Variants in TRERF1 observed in about 807,000 individuals in gnomAD.
The protein encoded by TRERF1 is transcriptional regulating factor 1.
TRERF1 carries 27 observed loss-of-function variants against 122.9 expected under a neutral mutation model. That is an observed-to-expected ratio of 0.22 (90% CI 0.16 to 0.30). The LOEUF is 0.30. Ranked by LOEUF, TRERF1 falls within the 10% of genes least tolerant of loss-of-function variation. The pLI, the probability that TRERF1 is intolerant of heterozygous loss-of-function variation, is 1.00. For missense variants in TRERF1, 1,248 were observed against 1,560.3 expected, an observed-to-expected ratio of 0.80 and a Z score of 3.37; for synonymous variants, 636 against 641.7, an observed-to-expected ratio of 0.99 and a Z score of 0.13.
chr6:42,273,276 G>C (rs567070266), intron 4 of TRERF1, among the ~76,000 whole-genome samples: 1 of 152,024 alleles, frequency 6.6e-6, no homozygotes, highest in African/African-American at 2.4e-5. Context: ...CAGGAATCAG[G>C]TCTATTTTTA....
At chr6:42,412,874 A>G (rs1011527561) in intron 2 of TRERF1, among the ~76,000 whole-genome samples, 22 of 152,328 alleles carry the variant, frequency 1.4e-4, no homozygotes, top group Non-Finnish European at 2.9e-4. Flanking sequence ...TGAACCCAGA[A>G]GTCTGAAGCT....
intron 2 of TRERF1, among the ~76,000 whole-genome samples, chr6:42,437,926 T>A (rs576051739): frequency 2.8e-4 from 43 of 152,152 alleles, no homozygotes; most frequent in African/African-American, 4.8e-4. Flanking sequence ...TTTATTTATT[T>A]ATTATTTATT....
intron 3 of TRERF1, among the ~76,000 whole-genome samples, chr6:42,353,333 T>C (rs529466541): frequency 8.6e-5 from 13 of 151,432 alleles, no homozygotes; most frequent in Admixed American, 7.9e-4. Flanking sequence ...ACTCCCGAAA[T>C]CCCAGCACTT....
At chr6:42,229,174 A>G (rs531954691) in intron 17 of TRERF1, among the ~76,000 whole-genome samples, 88 of 152,166 alleles carry the variant, frequency 5.8e-4, no homozygotes, top group African/African-American at 2.0e-3. Context: ...GTGTCTCTCT[A>G]TTGCCCAGGC....
At chr6:42,333,607 G>C (rs1031954837) in intron 3 of TRERF1, among the ~76,000 whole-genome samples, 2 of 152,142 alleles carry the variant, frequency 1.3e-5, no homozygotes, top group Admixed American at 6.5e-5. Flanking sequence ...TCTGGACAAG[G>C]ATGCAAGGTT....
intron 15 of TRERF1, among the ~76,000 whole-genome samples, chr6:42,238,789 AATG>A (rs1468062726): frequency 1.3e-5 from 2 of 151,886 alleles, no homozygotes; most frequent in South Asian, 2.1e-4. Flanking sequence ...CACTAATAAT[AATG>A]ATGACGATGA....
chr6:42,236,114 G>A (rs1486698188), intron 16 of TRERF1, 91 bp downstream of exon 16: 2 of 1,473,904 alleles, frequency 1.4e-6, no homozygotes, highest in South Asian at 1.5e-5. Flanking sequence ...TGTTGGAAGA[G>A]CACTCTCGAA....
chr6:42,226,155 C>A (rs1769475436), exon 18 of TRERF1: 1 of 152,184 alleles, frequency 6.6e-6, no homozygotes, highest in Admixed American at 6.5e-5. Flanking sequence ...AGTCAAAAAT[C>A]CTTATGCTAT....
At chr6:42,341,255 C>T (rs1438526525) in intron 3 of TRERF1, among the ~76,000 whole-genome samples, 1 of 152,250 alleles carries the variant, frequency 6.6e-6, no homozygotes, top group Non-Finnish European at 1.5e-5. Flanking sequence ...ACCTGCCCTG[C>T]AAGGGTGTTT....
intron 12 of TRERF1, among the ~76,000 whole-genome samples, chr6:42,255,287 CTG>C (rs1582591911): frequency 6.6e-6 from 1 of 152,322 alleles, no homozygotes; most frequent in South Asian, 2.1e-4. Context: ...TGATCTGTAA[CTG>C]TTTTATAGAA....
chr6:42,338,037 C>T (rs1161035791), intron 3 of TRERF1, among the ~76,000 whole-genome samples: 1 of 152,170 alleles, frequency 6.6e-6, no homozygotes, highest in Non-Finnish European at 1.5e-5. Context: ...CAAGAGCCCC[C>T]AGGTGATTGT....
intron 4 of TRERF1, among the ~76,000 whole-genome samples, chr6:42,280,573 C>T (rs1782127800): frequency 6.6e-6 from 1 of 152,224 alleles, no homozygotes; most frequent in Non-Finnish European, 1.5e-5. Flanking sequence ...CGGGGTTCAG[C>T]CCAGCCACTT....
At chr6:42,389,854 T>C (rs909691166) in intron 2 of TRERF1, among the ~76,000 whole-genome samples, 3 of 152,224 alleles carry the variant, frequency 2.0e-5, no homozygotes, top group Admixed American at 6.5e-5. Context: ...GAAGCTTCAT[T>C]TCTCAGGACC....
chr6:42,248,574 G>T (rs1439651467), intron 13 of TRERF1, among the ~76,000 whole-genome samples: 1 of 152,128 alleles, frequency 6.6e-6, no homozygotes, highest in Non-Finnish European at 1.5e-5. Flanking sequence ...GCTGGCCTTA[G>T]CTCCTGACCT....
rs375032320 is a variant in TRERF1, at chr6:42,250,293, T to C, written c.2657-3749A>G. On this transcript the variant is annotated intron_variant, in intron 13 of 17. Transcript: ENST00000372922. Reference sequence around the variant, plus strand: ...CCCTGCTGATATGTGGACAGTGGCATCCAAGACCACCTGTTTCTTGTTCTG... The same window carrying C: ...CCCTGCTGATATGTGGACAGTGGCACCCAAGACCACCTGTTTCTTGTTCTG... Among the ~76,000 whole-genome samples the C allele has an allele frequency of 5.3e-5, 8 of 152,354 alleles. No individual in the cohort carries two copies. In the South Asian group the frequency reaches 8.3e-4, roughly 16 times the overall value.
At chr6:42,388,511 G>A (rs1042253992) in intron 2 of TRERF1, among the ~76,000 whole-genome samples, 5 of 152,058 alleles carry the variant, frequency 3.3e-5, no homozygotes, top group Admixed American at 2.0e-4. Flanking sequence ...AGACTGCCAC[G>A]AGATCTGCCT....
exon 18 of TRERF1, chr6:42,227,061 T>C (rs925719909): frequency 4.6e-5 from 7 of 152,262 alleles, no homozygotes; most frequent in Admixed American, 2.0e-4. Flanking sequence ...GTTTATTACC[T>C]TCAAGTACAA....
At chr6:42,240,337 C>T (rs1044668914) in intron 15 of TRERF1, among the ~76,000 whole-genome samples, 3 of 152,214 alleles carry the variant, frequency 2.0e-5, no homozygotes, top group African/African-American at 7.2e-5. Flanking sequence ...CACCAATTTA[C>T]CTTAGAAGAC....
At chr6:42,364,714 G>A (rs1185181698) in intron 2 of TRERF1, among the ~76,000 whole-genome samples, 1 of 152,240 alleles carries the variant, frequency 6.6e-6, no homozygotes, top group African/African-American at 2.4e-5. Flanking sequence ...CAAACCCACC[G>A]GGTCCCTGCT....
Sources: allele counts gnomAD v4.1 joint callset (sites outside exome capture counted in the v4.1 genomes callset), GRCh38; gene constraint gnomAD v4.1.1; transcripts MANE v1.5; gene names NCBI Gene and HGNC (gene_info 2026-07-23, HGNC 2026-07-21).